RBM20: variants seen among roughly 807,000 people sequenced by gnomAD.
The protein encoded by RBM20 is RNA-binding protein 20.
A neutral mutation model predicts 110.1 loss-of-function variants in RBM20; 51 were observed. The observed-to-expected ratio is 0.46, with a 90% CI of 0.37 to 0.59. The LOEUF is 0.59. Ranked by LOEUF, RBM20 falls within the 20% of genes least tolerant of loss-of-function variation. The pLI, the probability that RBM20 is intolerant of heterozygous loss-of-function variation, is 0.00. For missense variants in RBM20, 1,512 were observed against 1,574.9 expected (o/e 0.96, Z 0.68); for synonymous variants, 589 against 618.2 (o/e 0.95, Z 0.70).
intron 1 of RBM20, among the ~76,000 whole-genome samples, chr10:110,772,146 A>G (rs905464791): frequency 1.3e-5 from 2 of 152,234 alleles, no homozygotes; most frequent in Non-Finnish European, 2.9e-5. Context: ...TGCATCTCCG[A>G]CAAACCAACT....
intron 1 of RBM20, among the ~76,000 whole-genome samples, chr10:110,717,655 A>T (rs1482298351): frequency 6.6e-6 from 1 of 152,112 alleles, no homozygotes; most frequent in African/African-American, 2.4e-5. Flanking sequence ...GATCTTGTTC[A>T]CTTGTGTTCT....
chr10:110,763,729 C>G (rs1844038592), intron 1 of RBM20, among the ~76,000 whole-genome samples: 1 of 148,420 alleles, frequency 6.7e-6, no homozygotes, highest in Non-Finnish European at 1.5e-5. Context: ...TAGCCACTTC[C>G]TCACAGAGAG....
chr10:110,659,486 T>C (rs1368092504), intron 1 of RBM20, among the ~76,000 whole-genome samples: 1 of 152,176 alleles, frequency 6.6e-6, no homozygotes, highest in East Asian at 1.9e-4. Context: ...AGCCAGCTTT[T>C]TGTCTCATGC....
Position 110,812,544 on chromosome 10 carries a change from G to C in RBM20, c.2147G>C (p.Arg716Pro). Reference protein sequence around the residue: ...PWAHDRKHHPRQLDKAELDER... With the variant: ...PWAHDRKHHPPQLDKAELDER... ...GCACATGATCGCAAACACCACCCCCGGCAACTGGACAAGGCTGAGTTGGAC... is the reference window on the plus strand; with the variant it reads ...GCACATGATCGCAAACACCACCCCCCGCAACTGGACAAGGCTGAGTTGGAC... Residue 716 changes from arginine to proline, a missense_variant, in exon 9 of 14, where the codon CGG (arginine) becomes CCG (proline). Coordinates refer to ENST00000369519, the MANE Select transcript of RBM20 (RefSeq NM_001134363.3). 1.3e-6 allele frequency: 2 copies of C among 1,551,720 alleles called. No individual in the cohort carries two copies. Among genetic ancestry groups the C allele is most frequent in the Non-Finnish European group, 1.7e-6 (2 of 1,146,988 alleles).
intron 1 of RBM20, among the ~76,000 whole-genome samples, chr10:110,683,616 C>G (rs1862455424): frequency 6.6e-6 from 1 of 152,146 alleles, no homozygotes; most frequent in Non-Finnish European, 1.5e-5. Context: ...AGTTTTGTAA[C>G]TTTTACTTGC....
intron 1 of RBM20, among the ~76,000 whole-genome samples, chr10:110,679,565 A>T (rs1047701476): frequency 1.3e-5 from 2 of 152,212 alleles, no homozygotes; most frequent in African/African-American, 4.8e-5. Context: ...TGCAGTTCTT[A>T]AGCTGGGCAC....
intron 1 of RBM20, among the ~76,000 whole-genome samples, chr10:110,716,458 G>A (rs1863019007): frequency 6.6e-6 from 1 of 152,242 alleles, no homozygotes; most frequent in Non-Finnish European, 1.5e-5. Context: ...AATTGCCATT[G>A]AAAGAGTAGG....
intron 1 of RBM20, among the ~76,000 whole-genome samples, chr10:110,674,923 T>C (rs1013360439): frequency 2.5e-4 from 38 of 152,344 alleles, no homozygotes; most frequent in African/African-American, 9.1e-4. Flanking sequence ...ATATATCATA[T>C]ACTGTCCTCA....
chr10:110,664,235 G>A (rs1862146461), intron 1 of RBM20, among the ~76,000 whole-genome samples: 1 of 152,104 alleles, frequency 6.6e-6, no homozygotes, highest in African/African-American at 2.4e-5. Context: ...TTCCAGGCCT[G>A]GGGCAGAAAG....
chr10:110,668,138 G>A (rs1862206011), intron 1 of RBM20, among the ~76,000 whole-genome samples: 2 of 152,128 alleles, frequency 1.3e-5, no homozygotes, highest in South Asian at 2.1e-4. Context: ...ACTAAGTTTA[G>A]CATATGAATG....
At chr10:110,786,607 A>G (rs1844422235) in intron 5 of RBM20, among the ~76,000 whole-genome samples, 1 of 152,218 alleles carries the variant, frequency 6.6e-6, no homozygotes, top group Non-Finnish European at 1.5e-5. Flanking sequence ...GCTCGCTCAG[A>G]GCCATGCCCA....
At chr10:110,747,051 G>C (rs1353213167) in intron 1 of RBM20, among the ~76,000 whole-genome samples, 1 of 152,102 alleles carries the variant, frequency 6.6e-6, no homozygotes, top group Non-Finnish European at 1.5e-5. Flanking sequence ...TTGTGCCAGT[G>C]TCAATTTCCT....
Position 110,797,549 on chromosome 10 carries a change from C to T in RBM20, c.1569C>T (p.Cys523=). ...GGGCTGGCCGTGTGGTGCACATCTG[C>T]AATCTCCCTGAAGGAAGCTGCACTG... The part of the protein sequence containing the change: ...RKGAGRVVHI[C]NLPEGSCTEN... The change falls in exon 6 of 14, where the codon TGC becomes TGT. Residue 523 remains cysteine (C), a synonymous_variant. Coordinates refer to ENST00000369519, the MANE Select transcript of RBM20 (RefSeq NM_001134363.3). The T allele has an allele frequency of 6.4e-7, 1 of 1,551,642 alleles. No homozygotes were observed. Among genetic ancestry groups the T allele is most frequent in the Non-Finnish European group, 8.7e-7 (1 of 1,146,958 alleles).
chr10:110,644,258 G>C, upstream of RBM20: 1 of 386,908 alleles, frequency 2.6e-6, no homozygotes. This position sits in a 1 kb window ranked among gnomAD's most constrained non-coding sequence, Gnocchi z 4.3. Flanking sequence ...CCGCGTGGCC[G>C]GCCGGGACGA....
At chr10:110,826,161 A>G (rs575471815) in intron 12 of RBM20, among the ~76,000 whole-genome samples, 38 of 152,348 alleles carry the variant, frequency 2.5e-4, no homozygotes, top group Middle Eastern at 6.8e-3. Context: ...AGTTCCCAAT[A>G]TCCACCTCCC....
chr10:110,808,707 C>A (rs1844725418), intron 7 of RBM20, among the ~76,000 whole-genome samples: 3 of 152,044 alleles, frequency 2.0e-5, no homozygotes, highest in Admixed American at 1.3e-4. Context: ...GTGTCCTGAC[C>A]TCTCTCCCTG....
intron 7 of RBM20, among the ~76,000 whole-genome samples, chr10:110,803,108 G>T (rs567375390): frequency 6.6e-6 from 1 of 152,042 alleles, no homozygotes. Flanking sequence ...ATTGAGTCCC[G>T]GTACTCTGGG....
At position 110,652,994 on chromosome 10, in the gene RBM20, C is replaced by G. The variant is rs551695009; in HGVS notation, c.191+8349C>G. Reference sequence around the variant, plus strand: ...CATCTCATGCTCTGTTCCTTCCTGCCAAACAGAAGCCAACCATCACATTTT... The same window carrying G: ...CATCTCATGCTCTGTTCCTTCCTGCGAAACAGAAGCCAACCATCACATTTT... On this transcript the variant is annotated intron_variant, in intron 1 of 13. Coordinates refer to ENST00000369519, the MANE Select transcript of RBM20 (RefSeq NM_001134363.3). Among the ~76,000 whole-genome samples, 6 of 152,276 alleles carry G rather than the reference C, an allele frequency of 3.9e-5. No homozygotes were observed. The East Asian group carries it at 1.2e-3, about 29-fold the overall frequency.
intron 1 of RBM20, among the ~76,000 whole-genome samples, chr10:110,679,422 A>G (rs886221064): frequency 3.3e-5 from 5 of 151,938 alleles, no homozygotes; most frequent in African/African-American, 1.2e-4. Flanking sequence ...GGGTCTCACT[A>G]TGTTGCCCAG....
Sources: allele counts gnomAD v4.1 joint callset (sites outside exome capture counted in the v4.1 genomes callset), GRCh38; gene constraint gnomAD v4.1.1; non-coding constraint Gnocchi (gnomAD v3.1); transcripts MANE v1.5; gene names NCBI Gene and HGNC (gene_info 2026-07-23, HGNC 2026-07-21).